CNKSR2: variants seen among roughly 807,000 people sequenced by gnomAD.
CNKSR2 encodes connector enhancer of kinase suppressor of Ras 2.
In CNKSR2, 14 loss-of-function variants were observed where a neutral mutation model predicts 84.4. The observed-to-expected ratio is 0.17, with a 90% CI of 0.11 to 0.26. The LOEUF (loss-of-function observed/expected upper bound fraction) is 0.26, where lower values mean the gene tolerates loss of function less well. CNKSR2 is among the 10% of genes least tolerant of loss of function. The pLI, the probability that CNKSR2 is intolerant of heterozygous loss-of-function variation, is 1.00. For synonymous variants in CNKSR2, 275 were observed against 277.9 expected, an observed-to-expected ratio of 0.99 and a Z score of 0.10; for missense variants, 485 against 771.2, an observed-to-expected ratio of 0.63 and a Z score of 4.40.
intron 1 of CNKSR2, among the ~76,000 whole-genome samples, chrX:21,382,515 A>G (rs923203405): frequency 1.8e-5 from 2 of 111,154 alleles, no homozygotes; most frequent in Non-Finnish European, 1.9e-5. Context: ...AAAGAACTCT[A>G]TATATCTTAG....
At position 21,374,603 on chromosome X, in the gene CNKSR2, A is replaced by AGCC. The variant is rs2096007788; in HGVS notation, c.-293_-292insCGC. Reference sequence around the variant, plus strand: ...GGAGCGGAGCGGCGGAGGCAGCAGCAGCAGCAGCAGCAGCAGCAGCAGCAG... The same window carrying AGCC: ...GGAGCGGAGCGGCGGAGGCAGCAGCAGCCGCAGCAGCAGCAGCAGCAGCAGCAG... On this transcript the variant is annotated 5_prime_UTR_variant, in exon 1 of 22. Transcript: ENST00000379510. 2.1e-6 allele frequency: 1 copy of AGCC among 485,801 alleles called. No homozygotes were observed. Among genetic ancestry groups the AGCC allele is most frequent in the Non-Finnish European group, 3.6e-6 (1 of 276,335 alleles). 40.0% of individuals were successfully genotyped at this position (485,801 alleles called of 1,213,427 possible).
intron 13 of CNKSR2, among the ~76,000 whole-genome samples, chrX:21,588,150 A>G (rs1389314874): frequency 8.9e-6 from 1 of 112,299 alleles, no homozygotes; most frequent in African/African-American, 3.2e-5. Context: ...TCCTCTGCCT[A>G]GCAACTACCA....
At chrX:21,561,068 A>G (rs2092184148) in intron 11 of CNKSR2, among the ~76,000 whole-genome samples, 2 of 109,950 alleles carry the variant, frequency 1.8e-5, no homozygotes, top group Admixed American at 9.8e-5. Context: ...AGTCAGGTTA[A>G]ACACAGAGAG....
chrX:21,631,585 T>C (rs1272665250), intron 20 of CNKSR2, among the ~76,000 whole-genome samples: 1 of 112,020 alleles, frequency 8.9e-6, no homozygotes, highest in East Asian at 2.8e-4. Context: ...AAGTCTGATA[T>C]ATTGTGTGTT....
chrX:21,532,138 G>C (rs2091891739), intron 11 of CNKSR2, 71 bp downstream of exon 11: 4 of 820,334 alleles, frequency 4.9e-6, no homozygotes, highest in Admixed American at 6.3e-5. Flanking sequence ...CCTTTAATAA[G>C]TTTTTGGGTT....
intron 1 of CNKSR2, among the ~76,000 whole-genome samples, chrX:21,403,821 A>G (rs2090225650): frequency 9.0e-6 from 1 of 111,685 alleles, no homozygotes; most frequent in African/African-American, 3.2e-5. Flanking sequence ...ACCCTAAATA[A>G]GGGTTATTGA....
intron 1 of CNKSR2, among the ~76,000 whole-genome samples, chrX:21,397,108 T>C (rs911075465): frequency 7.2e-5 from 8 of 111,458 alleles, no homozygotes; most frequent in African/African-American, 2.3e-4. Context: ...CTCCTGATGG[T>C]CTTCTAATCT....
intron 20 of CNKSR2, chrX:21,644,672 G>A (rs767057080): frequency 3.8e-4 from 42 of 111,583 alleles, no homozygotes; most frequent in African/African-American, 1.1e-3. Flanking sequence ...AATTCTACTC[G>A]TGGAAAAGTC....
chrX:21,489,156 T>TA (rs747290757), intron 5 of CNKSR2, among the ~76,000 whole-genome samples: 12 of 111,559 alleles, frequency 1.1e-4, no homozygotes. Context: ...GTGTACATCT[T>TA]ACACATATTG....
chrX:21,462,790 T>G, intron 4 of CNKSR2, among the ~76,000 whole-genome samples: 1 of 106,191 alleles, frequency 9.4e-6, no homozygotes, highest in East Asian at 3.0e-4. Flanking sequence ...CTCAGCTCAC[T>G]GCAACCTCTG....
chrX:21,441,782 T>A (rs918813162), intron 4 of CNKSR2, among the ~76,000 whole-genome samples: 1 of 111,653 alleles, frequency 9.0e-6, no homozygotes, highest in African/African-American at 3.2e-5. Flanking sequence ...GTGTAGACTT[T>A]TAAAAAAATC....
chrX:21,399,106 A>T (rs761195206), intron 1 of CNKSR2, among the ~76,000 whole-genome samples: 1 of 111,318 alleles, frequency 9.0e-6, no homozygotes, highest in Non-Finnish European at 1.9e-5. Context: ...TTATGCAATT[A>T]TACAGACCAG....
At chrX:21,558,992 T>G (rs2092163837) in intron 11 of CNKSR2, among the ~76,000 whole-genome samples, 1 of 110,540 alleles carries the variant, frequency 9.0e-6, no homozygotes, top group Non-Finnish European at 1.9e-5. Context: ...AAGAAATAAA[T>G]TGTAGATATT....
At chrX:21,585,988 C>T (rs142003797) in intron 13 of CNKSR2, among the ~76,000 whole-genome samples, 73 of 111,358 alleles carry the variant, frequency 6.6e-4, no homozygotes, top group Non-Finnish European at 1.1e-3. Context: ...CTCACACTCA[C>T]CCTACCCTAA....
chrX:21,576,919 G>T (rs2092322751), intron 13 of CNKSR2, among the ~76,000 whole-genome samples: 1 of 111,336 alleles, frequency 9.0e-6, no homozygotes, highest in South Asian at 3.8e-4. Context: ...TAATATTTTT[G>T]TATTGATTGA....
At chrX:21,562,051 T>G (rs2092195510) in intron 12 of CNKSR2, among the ~76,000 whole-genome samples, 1 of 110,173 alleles carries the variant, frequency 9.1e-6, no homozygotes, top group Non-Finnish European at 1.9e-5. Context: ...CCGTGCTTTT[T>G]TTTCCTGTTC....
intron 13 of CNKSR2, among the ~76,000 whole-genome samples, chrX:21,576,459 G>T (rs1363367583): frequency 9.0e-6 from 1 of 111,036 alleles, no homozygotes; most frequent in African/African-American, 3.3e-5. Context: ...CCTACCTCAA[G>T]AAATTAGAAA....
chrX:21,529,272 T>C (rs946167290), intron 10 of CNKSR2, among the ~76,000 whole-genome samples: 2 of 111,378 alleles, frequency 1.8e-5, no homozygotes, highest in Non-Finnish European at 3.8e-5. Context: ...CCTTTTTCTC[T>C]AAAAGATAAA....
intron 20 of CNKSR2, among the ~76,000 whole-genome samples, chrX:21,632,981 TATATA>T (rs1045511155): frequency 4.0e-5 from 4 of 101,012 alleles, no homozygotes; most frequent in Admixed American, 1.0e-4. Flanking sequence ...TATACACACT[TATATA>T]ATATACACAC....
Sources: gnomAD v4.1 joint callset for allele counts (sites outside exome capture counted in the v4.1 genomes callset) on GRCh38, gnomAD v4.1.1 for gene constraint, MANE v1.5 for transcripts, NCBI Gene and HGNC (gene_info 2026-07-23, HGNC 2026-07-21) for gene names.